The following ABCA13 variants were observed in gnomAD, a reference collection of about 807,000 sequenced individuals.
ABCA13 encodes ATP binding cassette subfamily A member 13.
Under a neutral mutation model 478.7 loss-of-function variants are expected in ABCA13, and 476 were observed. That is an observed-to-expected ratio of 0.99 (90% CI 0.92 to 1.07). The LOEUF (loss-of-function observed/expected upper bound fraction) is 1.07. ABCA13 is among the 50% of genes least tolerant of loss of function. The pLI, the probability that ABCA13 is intolerant of heterozygous loss-of-function variation, is 0.00. For synonymous variants in ABCA13, 2,252 were observed against 2,158.9 expected (o/e 1.04, Z -1.20); for missense variants, 6,060 against 5,910.6 (o/e 1.03, Z -0.83).
chr7:48,418,374 C>T (rs566197688), intron 41 of ABCA13, among the ~76,000 whole-genome samples: 6 of 152,274 alleles, frequency 3.9e-5, no homozygotes, highest in African/African-American at 1.2e-4. Context: ...TGGATTTTAG[C>T]CATTCTAATA....
intron 40 of ABCA13, 26 bp from the exon 41 acceptor site, chr7:48,412,327 T>TA (rs1819373217): frequency 6.4e-7 from 1 of 1,570,490 alleles, no homozygotes; most frequent in African/African-American, 1.4e-5. Flanking sequence ...CTTACTGGCT[T>TA]CTTTTTTCCT....
chr7:48,390,835 C>A (rs1247149091), intron 37 of ABCA13, among the ~76,000 whole-genome samples: 1 of 152,106 alleles, frequency 6.6e-6, no homozygotes, highest in Non-Finnish European at 1.5e-5. Context: ...ATGTTTTCAT[C>A]CATGGGTTGC....
At chr7:48,314,167 G>A in intron 25 of ABCA13, 65 bp from the exon 26 acceptor site, 1 of 1,516,246 alleles carries the variant, frequency 6.6e-7, no homozygotes, top group Non-Finnish European at 9.0e-7. Flanking sequence ...TAGACTTTCA[G>A]AAGTGTGTGA....
At chr7:48,501,837 G>C (rs1830777603) in intron 48 of ABCA13, among the ~76,000 whole-genome samples, 1 of 152,166 alleles carries the variant, frequency 6.6e-6, no homozygotes, top group Non-Finnish European at 1.5e-5. Flanking sequence ...GTAGAGGCAG[G>C]ATTTTCAGTG....
At chr7:48,212,062 T>C (rs1785741216) in intron 3 of ABCA13, among the ~76,000 whole-genome samples, 2 of 152,154 alleles carry the variant, frequency 1.3e-5, no homozygotes, top group African/African-American at 4.8e-5. Context: ...TCAAATTTAT[T>C]TGGGATCTCA....
intron 56 of ABCA13, 37 bp downstream of exon 56, chr7:48,580,411 A>C: frequency 6.3e-7 from 1 of 1,591,630 alleles, no homozygotes; most frequent in Non-Finnish European, 8.6e-7. Context: ...AAAGGGACCC[A>C]TTGAGGAATG....
In ABCA13 at chr7:48,278,661, T is replaced by C; in HGVS notation, c.7467T>C (p.Ser2489=). 1 of 1,613,522 alleles carries C rather than the reference T, an allele frequency of 6.2e-7. No homozygotes were observed. Among genetic ancestry groups the C allele is most frequent in the Non-Finnish European group, 8.5e-7 (1 of 1,179,574 alleles). The change falls in exon 18 of 62, where the codon AGT becomes AGC. Residue 2489 remains serine (S), a synonymous_variant. Coordinates refer to ENST00000435803, the MANE Select transcript of ABCA13 (RefSeq NM_152701.5). The part of the protein sequence containing the change: ...VGAISRASEE[S]HVLKPLLEMS... Reference sequence around the variant, plus strand: ...CTATTTCAAGAGCAAGTGAAGAAAGTCACGTCCTGAAACCCCTCTTAGAAA... The same window carrying C: ...CTATTTCAAGAGCAAGTGAAGAAAGCCACGTCCTGAAACCCCTCTTAGAAA...
intron 24 of ABCA13, among the ~76,000 whole-genome samples, chr7:48,310,923 A>G (rs1239859460): frequency 6.6e-6 from 1 of 151,700 alleles, no homozygotes; most frequent in Non-Finnish European, 1.5e-5. Context: ...TCTGGCCTCT[A>G]CTGTTTGAAT....
At chr7:48,238,801 A>T (rs1004774842) in intron 8 of ABCA13, among the ~76,000 whole-genome samples, 18 of 152,226 alleles carry the variant, frequency 1.2e-4, no homozygotes, top group African/African-American at 4.1e-4. Flanking sequence ...AATAAAGGAG[A>T]TTTGGTTCAA....
intron 38 of ABCA13, among the ~76,000 whole-genome samples, chr7:48,396,560 G>A (rs534430409): frequency 3.3e-5 from 5 of 152,224 alleles, no homozygotes; most frequent in East Asian, 3.9e-4. Flanking sequence ...TGGCCACTAC[G>A]TTGTAGCATG....
rs369142720 is a variant in ABCA13 at position 48,275,197 on chromosome 7, A to G, written c.5531A>G (p.His1844Arg). The G allele has an allele frequency of 1.2e-6, 2 of 1,613,810 alleles. No individual in the cohort carries two copies. The highest frequency in any genetic ancestry group is 1.7e-6 in the Non-Finnish European group (2 of 1,179,872). ...TCAAAGATAGACCCCTGCAATGTCC[A>G]TGGGCTCATGTCTTCTTCCTTTTAT... ...QNSKIDPCNVHGLMSSSFYGK... is the reference protein window; with the variant it reads ...QNSKIDPCNVRGLMSSSFYGK... The change falls in exon 17 of 62, where the codon CAT (histidine) becomes CGT (arginine). Residue 1844 changes from histidine to arginine, a missense_variant. By Grantham distance (29) the His-to-Arg change is conservative. Around this residue, in one of 3 missense-constraint regions of ABCA13, gnomAD observed 4,423 missense variants for 4,309.1 expected, o/e 1.03. Coordinates refer to ENST00000435803, the MANE Select transcript of ABCA13 (RefSeq NM_152701.5).
chr7:48,473,145 G>T (rs948995614), intron 45 of ABCA13, among the ~76,000 whole-genome samples: 4 of 152,198 alleles, frequency 2.6e-5, no homozygotes, highest in African/African-American at 9.6e-5. Context: ...CCCGTGTTCA[G>T]TTATCTCCCA....
chr7:48,173,984 C>G (rs1369412296), intron 1 of ABCA13, among the ~76,000 whole-genome samples: 1 of 152,140 alleles, frequency 6.6e-6, no homozygotes, highest in African/African-American at 2.4e-5. Flanking sequence ...TGGGTTAGAA[C>G]AGAACTCCAG....
At chr7:48,591,417 C>A (rs1789731715) in intron 57 of ABCA13, among the ~76,000 whole-genome samples, 1 of 151,868 alleles carries the variant, frequency 6.6e-6, no homozygotes, top group South Asian at 2.1e-4. Context: ...GTGAGGCCTC[C>A]AGCACCATTC....
rs765507453 is a variant in ABCA13, at chr7:48,278,582, C to T, written c.7388C>T (p.Ser2463Leu). ...LTDLLFFINN[S>L]FPLRNRATLE... ...GATTTGCTTTTCTTTATAAATAATT[C>T]ATTCCCTCTAAGAAACAGAGCAACA... The change falls in exon 18 of 62, where the codon TCA becomes TTA. Residue 2463 changes from serine (S) to leucine (L), a missense_variant. Transcript: ENST00000435803. 43 of 1,613,836 alleles carry T rather than the reference C, an allele frequency of 2.7e-5. No homozygotes were observed. The highest frequency in any genetic ancestry group is 3.6e-5 in the Non-Finnish European group (43 of 1,179,844).
At position 48,273,155 on chromosome 7, in the gene ABCA13, A is replaced by G. The variant is rs376485242; in HGVS notation, c.3489A>G (p.Gln1163=). Residue 1163 remains glutamine, a synonymous_variant, in exon 17 of 62, where the codon CAA becomes CAG. Coordinates refer to ENST00000435803, the MANE Select transcript of ABCA13 (RefSeq NM_152701.5). The part of the protein sequence containing the change: ...MWTEIWETIS[Q]LFKFDMNVFT... Reference sequence around the variant, plus strand: ...CTGAAATCTGGGAAACCATATCTCAATTATTTAAGTTTGACATGAATGTTT... The same window carrying G: ...CTGAAATCTGGGAAACCATATCTCAGTTATTTAAGTTTGACATGAATGTTT... 77 of 1,613,534 alleles carry G rather than the reference A, an allele frequency of 4.8e-5. No individual in the cohort carries two copies. In the African/African-American group the frequency reaches 7.7e-4, roughly 16 times the overall value.
At chr7:48,338,624 T>G (rs1305417105) in intron 29 of ABCA13, among the ~76,000 whole-genome samples, 169 bp downstream of exon 29, 1 of 152,192 alleles carries the variant, frequency 6.6e-6, no homozygotes, top group Non-Finnish European at 1.5e-5. Context: ...AACTAAATAC[T>G]CCCCAAAGTT....
At chr7:48,340,057 A>G (rs1250444138) in intron 29 of ABCA13, among the ~76,000 whole-genome samples, 1 of 152,162 alleles carries the variant, frequency 6.6e-6, no homozygotes, top group Non-Finnish European at 1.5e-5. Flanking sequence ...AACTTTTGGG[A>G]ATATTTGCCC....
chr7:48,455,108 G>C lies in ABCA13; in HGVS notation c.12637G>C (p.Ala4213Pro). 1 of 1,556,546 alleles carries C rather than the reference G, an allele frequency of 6.4e-7. No homozygotes were observed. The part of the protein sequence containing the change: ...LLRAQVAAIL[A>P]RRLRRTLRAG... ...CCGCGCACAAGTGGCCGCGATCCTG[G>C]CCCGGAGGCTCCGCCGCACGCTGCG... is the stretch of plus-strand genomic sequence containing the variant. Residue 4213 changes from alanine to proline, a missense_variant, in exon 43 of 62, where the codon GCC becomes CCC. By Grantham distance (27) the Ala-to-Pro change is conservative. Coordinates refer to ENST00000435803, the MANE Select transcript of ABCA13 (RefSeq NM_152701.5).
Sources: gnomAD v4.1 joint callset for allele counts (sites outside exome capture counted in the v4.1 genomes callset) on GRCh38, gnomAD v4.1.1 for gene constraint, gnomAD v4.1.1 regional missense constraint, MANE v1.5 for transcripts, NCBI Gene and HGNC (gene_info 2026-07-23, HGNC 2026-07-21) for gene names.